PRDX4: variants seen among roughly 807,000 people sequenced by gnomAD.
The protein encoded by PRDX4 is peroxiredoxin 4, also known as peroxiredoxin-4.
In PRDX4, 12 loss-of-function variants were observed where a neutral mutation model predicts 20.5. The ratio of observed to expected loss-of-function variants is 0.58; its 90% CI spans 0.37 to 0.95. PRDX4 has a LOEUF of 0.95. Among genes scored for constraint, PRDX4 ranks in the 40% least tolerant of loss-of-function variants. The probability of loss-of-function intolerance (pLI) is 0.01; values close to 1 mark genes in which losing one functional copy is unlikely to be tolerated. For missense variants in PRDX4, 180 were observed against 207.3 expected (o/e 0.87, Z 0.81); for synonymous variants, 99 against 87.5 (o/e 1.13, Z -0.73).
chrX:23,679,423 G>T, intron 4 of PRDX4, 136 bp downstream of exon 4: 1 of 758,283 alleles, frequency 1.3e-6, no homozygotes, highest in Non-Finnish European at 1.8e-6. Context: ...GGTAGCTCAA[G>T]CCTGTAATCC....
At chrX:23,680,369 C>G (rs952903052) in intron 4 of PRDX4, among the ~76,000 whole-genome samples, 6 of 111,600 alleles carry the variant, frequency 5.4e-5, no homozygotes, top group Admixed American at 9.6e-5. Flanking sequence ...AATATTTTAC[C>G]CAGACGCTCT....
intron 3 of PRDX4, among the ~76,000 whole-genome samples, chrX:23,676,753 C>T (rs1291165095): frequency 9.4e-6 from 1 of 105,979 alleles, no homozygotes; most frequent in East Asian, 2.9e-4. Flanking sequence ...GATCATACCA[C>T]TGCACTTCAG....
chrX:23,674,169 T>C (rs1481274744), intron 2 of PRDX4, among the ~76,000 whole-genome samples: 1 of 111,651 alleles, frequency 9.0e-6, no homozygotes, highest in Non-Finnish European at 1.9e-5. Flanking sequence ...GCCTGATCCC[T>C]TTCAGAAACC....
rs766417429 is a variant in PRDX4, at chrX:23,681,014, G to C, written c.600-1382G>C. ...GGAGGCCAAGGCAGGCGGATCACGAGGTCAGGAGATCGAGACCATCCTGGC... is the reference window on the plus strand; with the variant it reads ...GGAGGCCAAGGCAGGCGGATCACGACGTCAGGAGATCGAGACCATCCTGGC... On this transcript the variant is annotated intron_variant, in intron 4 of 6. Transcript: ENST00000379341. Among the ~76,000 whole-genome samples, 16 of 111,645 alleles carry C rather than the reference G, an allele frequency of 1.4e-4. No homozygotes were observed. The East Asian group carries it at 4.5e-3, about 32-fold the overall frequency.
chrX:23,672,365 A>G (rs1927864089), intron 2 of PRDX4, among the ~76,000 whole-genome samples: 1 of 112,401 alleles, frequency 8.9e-6, no homozygotes, highest in Admixed American at 9.5e-5. Flanking sequence ...TGGGATTTGA[A>G]CATTTTGCTG....
intron 2 of PRDX4, among the ~76,000 whole-genome samples, chrX:23,674,691 T>C (rs904960157): frequency 4.5e-5 from 5 of 111,515 alleles, no homozygotes; most frequent in Non-Finnish European, 9.4e-5. Flanking sequence ...ATAAAAGTAA[T>C]AAAATGAGGG....
At chrX:23,683,756 A>G in intron 6 of PRDX4, 51 bp downstream of exon 6, 1 of 1,113,739 alleles carries the variant, frequency 9.0e-7, no homozygotes, top group Admixed American at 2.5e-5. Flanking sequence ...GAGTTGAAAA[A>G]AATGCTGGCC....
At chrX:23,670,379 T>C (rs1927821029) in intron 1 of PRDX4, among the ~76,000 whole-genome samples, 1 of 111,839 alleles carries the variant, frequency 8.9e-6, no homozygotes. Context: ...GGCCTTTACC[T>C]AATCAGATCA....
chrX:23,682,853 A>AAAAAAAAAAAAAAAAAATAT (rs1555933130), intron 5 of PRDX4, among the ~76,000 whole-genome samples: 1 of 14,878 alleles, frequency 6.7e-5, no homozygotes, highest in Admixed American at 1.2e-3. Flanking sequence ...AAAAAAAAAA[A>AAAAAAAAAAAAAAAAAATAT]ATATATATAT....
intron 3 of PRDX4, among the ~76,000 whole-genome samples, chrX:23,678,956 ATGTGT>A (rs1210894924): frequency 8.9e-6 from 1 of 111,792 alleles, no homozygotes; most frequent in African/African-American, 3.3e-5. Flanking sequence ...TAAAATAAAA[ATGTGT>A]TGTGTATATA....
At chrX:23,675,191 A>G in intron 3 of PRDX4, 85 bp downstream of exon 3, 2 of 1,199,724 alleles carry the variant, frequency 1.7e-6, no homozygotes, top group Non-Finnish European at 2.3e-6. Context: ...ATATGATATA[A>G]GAATATAGTC....
intron 4 of PRDX4, among the ~76,000 whole-genome samples, chrX:23,681,093 G>C (rs1228380118): frequency 9.1e-6 from 1 of 110,417 alleles, no homozygotes; most frequent in African/African-American, 3.3e-5. Flanking sequence ...TTAGCCGGGC[G>C]TGGTGGCGGG....
At chrX:23,682,853 A>AATATATATATATATATATATATATATAT (rs1173209030) in intron 5 of PRDX4, among the ~76,000 whole-genome samples, 2 of 14,872 alleles carry the variant, frequency 1.3e-4, no homozygotes, top group South Asian at 6.5e-3. Flanking sequence ...AAAAAAAAAA[A>AATATATATATATATATATATATATATAT]ATATATATAT....
At chrX:23,679,933 G>T (rs1368596100) in intron 4 of PRDX4, among the ~76,000 whole-genome samples, 1 of 112,284 alleles carries the variant, frequency 8.9e-6, no homozygotes, top group Non-Finnish European at 1.9e-5. Flanking sequence ...GGTGAGGCGA[G>T]ATCACGCCAC....
intron 4 of PRDX4, 133 bp from the exon 5 acceptor site, chrX:23,682,262 TG>T (rs1197014336): frequency 4.3e-4 from 113 of 260,458 alleles, no homozygotes; most frequent in Admixed American, 1.9e-3. Flanking sequence ...TGTGTGTGTG[TG>T]TGTATACCAT....
chrX:23,678,622 T>C (rs6627965), intron 3 of PRDX4, among the ~76,000 whole-genome samples: 20,254 of 108,589 alleles, frequency 0.19, 1,456 homozygotes, highest in African/African-American at 0.24. Flanking sequence ...AGAGCAAGAC[T>C]CCGTCTCAGA....
chrX:23,680,134 C>T (rs939942888), intron 4 of PRDX4, among the ~76,000 whole-genome samples: 1 of 112,399 alleles, frequency 8.9e-6, no homozygotes, highest in African/African-American at 3.2e-5. Flanking sequence ...CTTTCACCCA[C>T]CCTGTCATCT....
Position 23,681,187 on chromosome X carries a change from C to T in PRDX4, c.600-1209C>T, listed in dbSNP as rs1012334379. Among the ~76,000 whole-genome samples the T allele has an allele frequency of 8.1e-5, 9 of 110,633 alleles. No homozygotes were observed. In the East Asian group the frequency reaches 2.3e-3, roughly 28 times the overall value. On this transcript the variant is annotated intron_variant, in intron 4 of 6. Transcript: ENST00000379341. ...GGCGGAGTCTGCAGTGAGCCGAGAT[C>T]GCGCCACTGCACTTCAGCCTGGGCG...
At position 23,686,323 on chromosome X, in the gene PRDX4, T is replaced by C. The variant is rs142213357; in HGVS notation, c.804T>C (p.Asp268=). ...CAGCTGGAAAGCTGAAGTATTTCGA[T>C]AAACTGAATTGAGAAATACTTCTTC... ...PDPAGKLKYF[D]KLN is the part of the protein sequence containing the mutation. Residue 268 remains aspartate (D), a synonymous_variant, in exon 7 of 7, where the codon GAT becomes GAC. Transcript: ENST00000379341. 2.2e-5 allele frequency: 26 copies of C among 1,171,782 alleles called. No individual in the cohort carries two copies. The Admixed American group carries it at 4.8e-4, about 21-fold the overall frequency.
Sources: allele counts gnomAD v4.1 joint callset (sites outside exome capture counted in the v4.1 genomes callset), GRCh38; gene constraint gnomAD v4.1.1; transcripts MANE v1.5; gene names NCBI Gene and HGNC (gene_info 2026-07-23, HGNC 2026-07-21).